The following CHST11 variants were observed in gnomAD, a reference collection of about 807,000 sequenced individuals.
CHST11 encodes C4S-1.
A neutral mutation model predicts 30.4 loss-of-function variants in CHST11; 9 were observed. The ratio of observed to expected loss-of-function variants is 0.30; its 90% CI spans 0.18 to 0.52. The LOEUF is 0.52. CHST11 is among the 20% of genes least tolerant of loss of function. The pLI is 0.97. For synonymous variants in CHST11, 152 were observed against 187.8 expected, an observed-to-expected ratio of 0.81 and a Z score of 1.56; for missense variants, 348 against 460.6, an observed-to-expected ratio of 0.76 and a Z score of 2.24.
chr12:104,693,358 AAGCTACTATGCCATACCTAGGGTAGC>A, intron 2 of CHST11, among the ~76,000 whole-genome samples: 1 of 152,322 alleles, frequency 6.6e-6, no homozygotes, highest in Admixed American at 6.5e-5. Context: ...CCATGCTCTT[AAGCTACTATGCCATACCTAGGGTAGC>A]AGTACTATAT....
At chr12:104,734,178 C>T (rs1029485087) in intron 2 of CHST11, among the ~76,000 whole-genome samples, 2 of 152,230 alleles carry the variant, frequency 1.3e-5, no homozygotes, top group African/African-American at 4.8e-5. Flanking sequence ...TCAGGCCCAG[C>T]CCATGCTTCT....
chr12:104,679,310 C>G (rs996419384), intron 2 of CHST11, among the ~76,000 whole-genome samples: 4 of 152,066 alleles, frequency 2.6e-5, no homozygotes, highest in South Asian at 2.1e-4. Flanking sequence ...AGTTTACAGC[C>G]CCCACCGGCC....
rs148881622 is a variant in CHST11 at position 104,576,474 on chromosome 12, G to T, written c.119-25432G>T. The stretch of plus-strand genomic sequence containing the variant: ...GGTGACCGTCCACTAGAAAGGGAAA[G>T]GTGGCAGAACCATATATATGAGCCT... On this transcript the variant is annotated intron_variant, in intron 1 of 2. Coordinates refer to ENST00000303694, the MANE Select transcript of CHST11 (RefSeq NM_018413.6). 1.3e-3 allele frequency among the ~76,000 whole-genome samples: 193 copies of T among 152,314 alleles called. 2 individuals carry two copies. The highest frequency in any genetic ancestry group is 4.5e-3 in the African/African-American group (187 of 41,552).
At chr12:104,500,755 G>T (rs182842785) in intron 1 of CHST11, among the ~76,000 whole-genome samples, 76 of 152,336 alleles carry the variant, frequency 5.0e-4, no homozygotes, top group Admixed American at 1.8e-3. Flanking sequence ...TTTGACCTGG[G>T]TTTGGTGTGG....
At chr12:104,736,669 T>C (rs536785143) in intron 2 of CHST11, among the ~76,000 whole-genome samples, 11 of 152,224 alleles carry the variant, frequency 7.2e-5, no homozygotes, top group African/African-American at 2.4e-4. Context: ...CCTCTGTGAG[T>C]CTGGCCTGTG....
At chr12:104,610,089 G>GTGTGTGTGTC (rs1555236219) in intron 2 of CHST11, among the ~76,000 whole-genome samples, 5 of 107,956 alleles carry the variant, frequency 4.6e-5, no homozygotes, top group African/African-American at 1.8e-4. Flanking sequence ...GTGTGTGTGT[G>GTGTGTGTGTC]TGTGTGTCTG....
rs113766816 is a variant in CHST11 at position 104,565,765 on chromosome 12, C to T, written c.119-36141C>T. Among the ~76,000 whole-genome samples, 5 of 152,210 alleles carry T rather than the reference C, an allele frequency of 3.3e-5. 1 individual carries two copies. Among genetic ancestry groups the T allele is most frequent in the African/African-American group, 1.2e-4 (5 of 41,546 alleles). ...CATCGCCAGCATAGTTGTTAGGAAA[C>T]CTGGGCTAATTAGGGTGCTCTGTTG... On this transcript the variant is annotated intron_variant, in intron 1 of 2. Coordinates refer to ENST00000303694, the MANE Select transcript of CHST11 (RefSeq NM_018413.6).
intron 2 of CHST11, among the ~76,000 whole-genome samples, chr12:104,618,737 G>A (rs2039132578): frequency 1.3e-5 from 2 of 152,110 alleles, no homozygotes; most frequent in Non-Finnish European, 2.9e-5. Context: ...CCATTTTACA[G>A]ATGAGGCACC....
intron 2 of CHST11, among the ~76,000 whole-genome samples, chr12:104,689,386 G>A (rs762337411): frequency 3.2e-4 from 49 of 152,206 alleles, no homozygotes; most frequent in Admixed American, 2.0e-4. Context: ...GCAGGCAGAC[G>A]CCTGAGACCC....
chr12:104,717,056 A>G (rs2040137093), intron 2 of CHST11, among the ~76,000 whole-genome samples: 1 of 152,192 alleles, frequency 6.6e-6, no homozygotes, highest in African/African-American at 2.4e-5. Flanking sequence ...TTCCACGTTT[A>G]AGGGACCCTT....
At chr12:104,675,482 T>A (rs1384466321) in intron 2 of CHST11, among the ~76,000 whole-genome samples, 1 of 152,230 alleles carries the variant, frequency 6.6e-6, no homozygotes, top group East Asian at 1.9e-4. Context: ...GTAGGGTGTA[T>A]TACTATCTCC....
chr12:104,571,599 C>T (rs2136024183), intron 1 of CHST11, among the ~76,000 whole-genome samples: 3 of 152,290 alleles, frequency 2.0e-5, no homozygotes, highest in Middle Eastern at 6.8e-3. Context: ...GTGAGGATCA[C>T]CACACAAGAG....
intron 2 of CHST11, among the ~76,000 whole-genome samples, chr12:104,659,753 G>A (rs185935653): frequency 1.3e-5 from 2 of 152,122 alleles, no homozygotes; most frequent in African/African-American, 4.8e-5. Context: ...ATTGCTTGAG[G>A]CCAGAAGTTC....
chr12:104,585,595 A>G (rs1402470946), intron 1 of CHST11, among the ~76,000 whole-genome samples: 1 of 152,210 alleles, frequency 6.6e-6, no homozygotes, highest in Non-Finnish European at 1.5e-5. Flanking sequence ...CCCATTTTAT[A>G]GGTGAGATAA....
intron 1 of CHST11, among the ~76,000 whole-genome samples, chr12:104,493,215 A>C (rs2037766459): frequency 2.0e-5 from 3 of 152,258 alleles, no homozygotes; most frequent in Admixed American, 2.0e-4. Context: ...CAAGCAATGC[A>C]GATGGCCTCA....
Position 104,600,818 on chromosome 12 carries a change from A to G in CHST11, c.119-1088A>G, listed in dbSNP as rs1592787509. ...AGAAAACTGCCTCGTACTTGAGAAG[A>G]AAGCCCCATTTATTCTTCCCCCATC... On this transcript the variant is annotated intron_variant, in intron 1 of 2. Transcript: ENST00000303694. The surrounding 1 kb of genome is among the most constrained non-coding windows in gnomAD (Gnocchi z 4.1). Among the ~76,000 whole-genome samples the G allele has an allele frequency of 6.6e-6, 1 of 152,116 alleles. No homozygotes were observed. The highest frequency in any genetic ancestry group is 6.5e-5 in the Admixed American group (1 of 15,276).
At chr12:104,617,489 G>C (rs1278394117) in intron 2 of CHST11, among the ~76,000 whole-genome samples, 1 of 152,044 alleles carries the variant, frequency 6.6e-6, no homozygotes, top group Non-Finnish European at 1.5e-5. Context: ...ATGCAGTTTT[G>C]TGGGAAGAGC....
In CHST11 at chr12:104,489,066, C is replaced by T. The variant is rs1052488130; in HGVS notation, c.118+31537C>T. Reference sequence around the variant, plus strand: ...TTTTTTTCCTTGAGATGGAGTTTTGCTCTTGTTTTGCCCAGGCTGGAGTGC... The same window carrying T: ...TTTTTTTCCTTGAGATGGAGTTTTGTTCTTGTTTTGCCCAGGCTGGAGTGC... On this transcript the variant is annotated intron_variant, in intron 1 of 2. Transcript: ENST00000303694. Among the ~76,000 whole-genome samples, 3 of 151,748 alleles carry T rather than the reference C, an allele frequency of 2.0e-5. No homozygotes were observed. In the East Asian group the frequency reaches 5.8e-4, roughly 29 times the overall value.
At chr12:104,716,917 C>T (rs2040135923) in intron 2 of CHST11, among the ~76,000 whole-genome samples, 1 of 152,140 alleles carries the variant, frequency 6.6e-6, no homozygotes. Context: ...TGGCTAAAAT[C>T]AAATCAAGGG....
Sources: gnomAD v4.1 joint callset for allele counts (sites outside exome capture counted in the v4.1 genomes callset) on GRCh38, gnomAD v4.1.1 for gene constraint, Gnocchi (gnomAD v3.1) non-coding constraint, MANE v1.5 for transcripts, NCBI Gene and HGNC (gene_info 2026-07-23, HGNC 2026-07-21) for gene names.